The following IL10RB variants were observed in gnomAD, a reference collection of about 807,000 sequenced individuals.
IL10RB encodes interleukin-10 receptor subunit beta.
In IL10RB, 30 loss-of-function variants were observed where a neutral mutation model predicts 38.7. That is an observed-to-expected ratio of 0.78 (90% confidence interval 0.58 to 1.05). The LOEUF (loss-of-function observed/expected upper bound fraction) is 1.05, where lower values mean the gene tolerates loss of function less well. Ranked by LOEUF, IL10RB falls within the 50% of genes least tolerant of loss-of-function variation. The pLI, the probability that IL10RB is intolerant of heterozygous loss-of-function variation, is 0.00. For synonymous variants in IL10RB, 142 were observed against 145.9 expected, an observed-to-expected ratio of 0.97 and a Z score of 0.19; for missense variants, 328 against 397.1, an observed-to-expected ratio of 0.83 and a Z score of 1.48.
chr21:33,283,319 C>T (rs1601833285), intron 5 of IL10RB, 78 bp downstream of exon 5: 1 of 1,406,806 alleles, frequency 7.1e-7, no homozygotes, highest in Non-Finnish European at 1.0e-6. Context: ...TTGCATCCAA[C>T]TCAAATTCCA....
intron 1 of IL10RB, among the ~76,000 whole-genome samples, chr21:33,267,503 T>TTTGTTTG: frequency 1.2e-5 from 1 of 80,718 alleles, no homozygotes; most frequent in Non-Finnish European, 3.0e-5. Flanking sequence ...TGTTTGTTTG[T>TTTGTTTG]TTTTTTGTTT....
chr21:33,288,730 T>C (rs1309664488), intron 6 of IL10RB, among the ~76,000 whole-genome samples: 1 of 152,214 alleles, frequency 6.6e-6, no homozygotes, highest in Non-Finnish European at 1.5e-5. Flanking sequence ...TTCTGGGTAG[T>C]GTTTCCTGGA....
At chr21:33,283,781 GGAAGGAACGGGA>G (rs8178504) in intron 5 of IL10RB, among the ~76,000 whole-genome samples, 72,756 of 151,890 alleles carry the variant, frequency 0.48, 17,985 homozygotes, top group African/African-American at 0.59. Flanking sequence ...CTAGCTTGGA[GGAAGGAACGGGA>G]GAAGGAAAGA....
chr21:33,304,624 T>C (rs1245446089), intron 1 of IL10RB, among the ~76,000 whole-genome samples: 1 of 152,230 alleles, frequency 6.6e-6, no homozygotes, highest in Non-Finnish European at 1.5e-5. Flanking sequence ...CCTTTGAGCA[T>C]GCGCACTCTC....
At position 33,296,573 on chromosome 21, in the gene IL10RB, C is replaced by T. The variant is rs2082968267; in HGVS notation, c.*216C>T. On this transcript the variant is annotated 3_prime_UTR_variant, in exon 7 of 7. Transcript: ENST00000290200. ...TTGGGAACTCACTGCCTTATAAAGG[C>T]TTTCATGATGTTTTCAGAAGTTGGC... The T allele has an allele frequency of 1.5e-6, 1 of 679,960 alleles. No homozygotes were observed. The highest frequency in any genetic ancestry group is 2.7e-6 in the Non-Finnish European group (1 of 371,588). 42.1% of individuals were successfully genotyped at this position (679,960 alleles called of 1,614,324 possible). A position where few individuals can be genotyped will look rare whatever the true frequency, so the allele number is the denominator to read the frequency against.
intron 1 of IL10RB, among the ~76,000 whole-genome samples, chr21:33,266,791 C>T (rs556479970): frequency 6.6e-6 from 1 of 152,308 alleles, no homozygotes; most frequent in South Asian, 2.1e-4. Context: ...CCCTGTCCTC[C>T]TGCAGCTCTC....
intron 1 of IL10RB, among the ~76,000 whole-genome samples, chr21:33,267,106 TG>T (rs929166469): frequency 3.9e-5 from 6 of 152,202 alleles, no homozygotes; most frequent in Admixed American, 6.5e-5. Context: ...AAACCTTTTC[TG>T]TCCTCTAAAT....
In IL10RB at chr21:33,266,470, C is replaced by T. The variant is rs1165667595; in HGVS notation, c.5C>T (p.Ala2Val). The T allele has an allele frequency of 6.5e-7, 1 of 1,542,226 alleles. No individual in the cohort carries two copies. The highest frequency in any genetic ancestry group is 8.7e-7 in the Non-Finnish European group (1 of 1,146,932). Reference protein sequence around the residue: MAWSLGSWLGGC... With the variant: MVWSLGSWLGGC... The stretch of plus-strand genomic sequence containing the variant: ...CGGAACCCCCAGCGTCCGTCCATGG[C>T]GTGGAGCCTTGGGAGCTGGCTGGGT... Residue 2 changes from alanine to valine, a missense_variant, in exon 1 of 7, where the codon GCG (alanine) becomes GTG (valine). Ala to Val is a moderately conservative substitution (Grantham distance 64). Transcript: ENST00000290200.
intron 6 of IL10RB, among the ~76,000 whole-genome samples, chr21:33,295,464 G>T (rs2123604789): frequency 1.3e-5 from 2 of 151,776 alleles, no homozygotes; most frequent in Admixed American, 1.3e-4. Flanking sequence ...CTGAGATCAG[G>T]AGTTCAAGAC....
At position 33,296,083 on chromosome 21, in the gene IL10RB, A is replaced by C. The variant is rs1002146987; in HGVS notation, c.805-101A>C. On this transcript the variant is annotated intron_variant, in intron 6 of 6. Coordinates refer to ENST00000290200, the MANE Select transcript of IL10RB (RefSeq NM_000628.5). ...AACATTAAAAATAAATAAATAAAAT[A>C]AAATAGATTTTCCAGCCAGGAGTTC... 4.8e-6 allele frequency: 4 copies of C among 831,208 alleles called. No homozygotes were observed. The African/African-American group carries it at 5.2e-5, about 11-fold the overall frequency. The allele number at this position is 831,208 out of a possible 1,614,324, so 51.5% of individuals were successfully genotyped here.
At chr21:33,285,173 G>A (rs966032733) in intron 5 of IL10RB, among the ~76,000 whole-genome samples, 1 of 152,202 alleles carries the variant, frequency 6.6e-6, no homozygotes, top group Non-Finnish European at 1.5e-5. Flanking sequence ...TTACAGGTAT[G>A]AGCCACCATG....
At chr21:33,274,421 G>A (rs191456891) in intron 2 of IL10RB, among the ~76,000 whole-genome samples, 1 of 152,130 alleles carries the variant, frequency 6.6e-6, no homozygotes, top group East Asian at 1.9e-4. Flanking sequence ...TGATTTGCCC[G>A]CCTTGGCCTC....
At chr21:33,278,706 C>T (rs1218192856) in intron 3 of IL10RB, among the ~76,000 whole-genome samples, 1 of 152,224 alleles carries the variant, frequency 6.6e-6, no homozygotes, top group African/African-American at 2.4e-5. Context: ...TGGAGATTTG[C>T]CTCTTGAAGT....
At chr21:33,268,899 A>G (rs1056841083) in intron 2 of IL10RB, among the ~76,000 whole-genome samples, 2 of 152,166 alleles carry the variant, frequency 1.3e-5, no homozygotes, top group African/African-American at 4.8e-5. Context: ...TATGAGTAGT[A>G]TTGCTGGAAG....
At chr21:33,282,517 A>G (rs989450676) in intron 4 of IL10RB, among the ~76,000 whole-genome samples, 3 of 152,180 alleles carry the variant, frequency 2.0e-5, no homozygotes, top group Non-Finnish European at 4.4e-5. Context: ...CCTGGACGAC[A>G]AGAGTGAAAC....
At chr21:33,274,793 A>C (rs1001443903) in intron 2 of IL10RB, among the ~76,000 whole-genome samples, 1 of 152,156 alleles carries the variant, frequency 6.6e-6, no homozygotes, top group Non-Finnish European at 1.5e-5. Flanking sequence ...AATTCTTAAG[A>C]GCTCTCTGAT....
At chr21:33,286,062 G>A (rs1463092805) in intron 5 of IL10RB, among the ~76,000 whole-genome samples, 8 of 152,172 alleles carry the variant, frequency 5.3e-5, no homozygotes, top group South Asian at 4.1e-4. Context: ...GGCCGCCTGC[G>A]GGAATGAAAG....
In IL10RB at chr21:33,279,845, C is replaced by G. The variant is rs1292785803; in HGVS notation, c.425C>G (p.Thr142Ser). 1 of 1,613,442 alleles carries G rather than the reference C, an allele frequency of 6.2e-7. No individual in the cohort carries two copies. The highest frequency in any genetic ancestry group is 1.1e-5 in the South Asian group (1 of 91,062). ...LAPKIENEYE[T>S]WTMKNVYNSW... ...CCTAAAATTGAGAATGAATACGAAA[C>G]TTGGACTATGAAGAATGTGTATAAC... The change falls in exon 4 of 7, where the codon ACT becomes AGT. Residue 142 changes from threonine to serine, a missense_variant. Coordinates refer to ENST00000290200, the MANE Select transcript of IL10RB (RefSeq NM_000628.5).
intron 6 of IL10RB, among the ~76,000 whole-genome samples, chr21:33,290,046 G>A (rs1363557149): frequency 3.9e-5 from 6 of 152,188 alleles, no homozygotes; most frequent in Admixed American, 3.9e-4. Flanking sequence ...CCCGGGAGGC[G>A]GAGCTGGCAG....
Sources: allele counts gnomAD v4.1 joint callset (sites outside exome capture counted in the v4.1 genomes callset), GRCh38; gene constraint gnomAD v4.1.1; transcripts MANE v1.5; gene names NCBI Gene and HGNC (gene_info 2026-07-23, HGNC 2026-07-21).